Variants in GSG1L observed in about 807,000 individuals in gnomAD.
The protein encoded by GSG1L is GSG1 like, also known as germ cell-specific gene 1-like protein.
A neutral mutation model predicts 42.1 loss-of-function variants in GSG1L; 24 were observed. That is an observed-to-expected ratio of 0.57 (90% confidence interval 0.41 to 0.80). The LOEUF is 0.80. GSG1L is among the 30% of genes least tolerant of loss of function. GSG1L has a pLI of 0.00. For synonymous variants in GSG1L, 215 were observed against 203.5 expected, an observed-to-expected ratio of 1.06 and a Z score of -0.48; for missense variants, 445 against 472.2, an observed-to-expected ratio of 0.94 and a Z score of 0.53.
At chr16:27,812,486 A>G (rs1312437533) in intron 5 of GSG1L, among the ~76,000 whole-genome samples, 5 of 152,236 alleles carry the variant, frequency 3.3e-5, no homozygotes, top group Admixed American at 3.3e-4. Context: ...CGAGATGGAA[A>G]CAAATGGGTG....
chr16:27,951,386 G>T (rs1018132337), intron 2 of GSG1L, among the ~76,000 whole-genome samples: 2 of 152,182 alleles, frequency 1.3e-5, no homozygotes, highest in African/African-American at 4.8e-5. Context: ...GTCTTGAAAT[G>T]TCTGTCTCTT....
intron 2 of GSG1L, among the ~76,000 whole-genome samples, chr16:27,899,317 G>A (rs551431843): frequency 1.1e-3 from 163 of 152,330 alleles, no homozygotes; most frequent in African/African-American, 3.8e-3. Context: ...GGCAAACCCC[G>A]GCTGTGCTAG....
chr16:27,967,017 C>T (rs1265181884), intron 1 of GSG1L, among the ~76,000 whole-genome samples: 1 of 152,160 alleles, frequency 6.6e-6, no homozygotes, highest in African/African-American at 2.4e-5. Context: ...GAGATGGCCC[C>T]TGCGACACTA....
At chr16:27,958,624 T>A (rs1476328394) in intron 2 of GSG1L, among the ~76,000 whole-genome samples, 2 of 152,018 alleles carry the variant, frequency 1.3e-5, no homozygotes, top group Non-Finnish European at 2.9e-5. Flanking sequence ...TACCCAAGGG[T>A]GGGTTTATAA....
intron 2 of GSG1L, among the ~76,000 whole-genome samples, chr16:27,947,595 AAGAAAAAG>A (rs2084898665): frequency 1.3e-5 from 1 of 78,900 alleles, no homozygotes; most frequent in Non-Finnish European, 2.4e-5. Flanking sequence ...GAAAGAAAGA[AAGAAAAAG>A]AAAGAAAGAA....
At chr16:27,852,417 T>C (rs2083525586) in intron 3 of GSG1L, among the ~76,000 whole-genome samples, 1 of 151,708 alleles carries the variant, frequency 6.6e-6, no homozygotes, top group Non-Finnish European at 1.5e-5. Flanking sequence ...ACACACAGGC[T>C]GGGCACCTCT....
At chr16:27,872,953 C>A (rs2083841126) in intron 3 of GSG1L, among the ~76,000 whole-genome samples, 1 of 152,218 alleles carries the variant, frequency 6.6e-6, no homozygotes, top group Admixed American at 6.5e-5. Flanking sequence ...CATACCACTG[C>A]TCTGCCTATG....
chr16:27,963,235 T>C, intron 1 of GSG1L, 32 bp from the exon 2 acceptor site: 2 of 1,607,280 alleles, frequency 1.2e-6, no homozygotes, highest in South Asian at 1.1e-5. Context: ...TTTCAGAATG[T>C]GAGAGGACAC....
At chr16:27,807,650 C>A in intron 5 of GSG1L, 96 bp from the exon 6 acceptor site, 4 of 1,007,312 alleles carry the variant, frequency 4.0e-6, no homozygotes, top group Non-Finnish European at 5.9e-6. Context: ...ATCTTCCCCC[C>A]TCTGGAGAAT....
At chr16:27,992,563 A>G (rs928031670) in intron 1 of GSG1L, among the ~76,000 whole-genome samples, 1 of 152,078 alleles carries the variant, frequency 6.6e-6, no homozygotes, top group Non-Finnish European at 1.5e-5. Context: ...GCCACCAGAC[A>G]TACCACTTCT....
At chr16:27,808,462 A>C in intron 5 of GSG1L, among the ~76,000 whole-genome samples, 1 of 147,672 alleles carries the variant, frequency 6.8e-6, no homozygotes. Flanking sequence ...TCTGTTGCCC[A>C]GGCTGGAGTG....
intron 2 of GSG1L, among the ~76,000 whole-genome samples, chr16:27,943,273 A>G (rs1262485576): frequency 6.6e-6 from 1 of 152,136 alleles, no homozygotes; most frequent in Non-Finnish European, 1.5e-5. Flanking sequence ...CCAGTTTGAG[A>G]ATCACACTTG....
At chr16:27,826,011 A>G (rs2083203874) in intron 5 of GSG1L, among the ~76,000 whole-genome samples, 1 of 152,206 alleles carries the variant, frequency 6.6e-6, no homozygotes, top group South Asian at 2.1e-4. Flanking sequence ...CGACTAATAC[A>G]GCAACAGAGT....
intron 1 of GSG1L, among the ~76,000 whole-genome samples, chr16:28,000,905 T>C (rs945085408): frequency 6.6e-6 from 1 of 152,190 alleles, no homozygotes; most frequent in Non-Finnish European, 1.5e-5. Context: ...CAACGCCCTC[T>C]TTCCAAACCC....
intron 2 of GSG1L, among the ~76,000 whole-genome samples, chr16:27,952,380 T>G (rs1343039545): frequency 2.6e-5 from 4 of 152,160 alleles, no homozygotes. Flanking sequence ...TCTGGGGGTT[T>G]AGGGATAGCT....
intron 2 of GSG1L, among the ~76,000 whole-genome samples, chr16:27,946,222 C>T (rs139628327): frequency 6.6e-6 from 1 of 152,122 alleles, no homozygotes; most frequent in African/African-American, 2.4e-5. Context: ...AAGCAGAGAT[C>T]ACAGTACCTA....
intron 1 of GSG1L, among the ~76,000 whole-genome samples, chr16:27,999,553 T>A (rs1019243058): frequency 6.6e-6 from 1 of 152,264 alleles, no homozygotes; most frequent in Non-Finnish European, 1.5e-5. Flanking sequence ...AAATATTTGC[T>A]GCATAAATAA....
At chr16:27,821,177 G>T (rs1259359347) in intron 5 of GSG1L, among the ~76,000 whole-genome samples, 1 of 152,192 alleles carries the variant, frequency 6.6e-6, no homozygotes, top group Non-Finnish European at 1.5e-5. Context: ...GTGAGCAGGG[G>T]GCTGTGAACT....
intron 1 of GSG1L, among the ~76,000 whole-genome samples, chr16:27,974,312 C>T (rs2085227823): frequency 6.6e-6 from 1 of 152,172 alleles, no homozygotes; most frequent in Non-Finnish European, 1.5e-5. Context: ...AGGTTATTAG[C>T]TCAGCCAAAA....
Sources: gnomAD v4.1 joint callset for allele counts (sites outside exome capture counted in the v4.1 genomes callset) on GRCh38, gnomAD v4.1.1 for gene constraint, MANE v1.5 for transcripts, NCBI Gene and HGNC (gene_info 2026-07-23, HGNC 2026-07-21) for gene names.